SPOPL: variants seen among roughly 807,000 people sequenced by gnomAD.
SPOPL encodes speckle type BTB/POZ protein like.
SPOPL carries 23 observed loss-of-function variants against 53.8 expected under a neutral mutation model. The ratio of observed to expected loss-of-function variants is 0.43; its 90% confidence interval spans 0.31 to 0.61. The LOEUF (loss-of-function observed/expected upper bound fraction) is 0.61, where lower values mean the gene tolerates loss of function less well. Ranked by LOEUF, SPOPL falls within the 20% of genes least tolerant of loss-of-function variation. SPOPL has a pLI of 0.12. For synonymous variants in SPOPL, 164 were observed against 149.7 expected (o/e 1.10, Z -0.70); for missense variants, 442 against 466.9 (o/e 0.95, Z 0.49).
chr2:138,518,605 T>C (rs530724275), intron 1 of SPOPL, among the ~76,000 whole-genome samples: 7 of 152,340 alleles, frequency 4.6e-5, no homozygotes, highest in African/African-American at 1.4e-4. Flanking sequence ...AATCAAGATA[T>C]AGATCATTTC....
chr2:138,511,804 G>A (rs1040230825), intron 1 of SPOPL, among the ~76,000 whole-genome samples: 5 of 152,144 alleles, frequency 3.3e-5, no homozygotes, highest in African/African-American at 9.7e-5. Flanking sequence ...CTGGACAAAC[G>A]TAGGTCTGCT....
At chr2:138,529,462 G>A (rs1684751450) in intron 1 of SPOPL, among the ~76,000 whole-genome samples, 1 of 151,424 alleles carries the variant, frequency 6.6e-6, no homozygotes, top group Non-Finnish European at 1.5e-5. Flanking sequence ...TAAATGAACT[G>A]TTTGTGTAGG....
chr2:138,523,493 G>A (rs1183411689), intron 1 of SPOPL, among the ~76,000 whole-genome samples: 2 of 152,060 alleles, frequency 1.3e-5, no homozygotes, highest in Non-Finnish European at 2.9e-5. Context: ...CTGGTTTTGA[G>A]TAGTTAACCC....
intron 1 of SPOPL, among the ~76,000 whole-genome samples, chr2:138,530,435 C>A (rs1684782469): frequency 6.6e-6 from 1 of 152,088 alleles, no homozygotes; most frequent in Non-Finnish European, 1.5e-5. Flanking sequence ...TGAAGTCAGT[C>A]TGCATATATT....
At chr2:138,513,354 G>GACTA (rs1684369459) in intron 1 of SPOPL, among the ~76,000 whole-genome samples, 1 of 152,026 alleles carries the variant, frequency 6.6e-6, no homozygotes. Flanking sequence ...AGGAATTTGA[G>GACTA]ACTAGCCTGG....
intron 10 of SPOPL, among the ~76,000 whole-genome samples, chr2:138,567,411 GT>G (rs1322478708): frequency 6.8e-6 from 1 of 147,720 alleles, no homozygotes; most frequent in East Asian, 2.0e-4. Flanking sequence ...GTGTGTGTGT[GT>G]GTGTGTGTGT....
chr2:138,536,791 T>A (rs79609721), intron 1 of SPOPL, among the ~76,000 whole-genome samples: 7 of 152,314 alleles, frequency 4.6e-5, no homozygotes, highest in African/African-American at 1.4e-4. Flanking sequence ...GAACTTCTTT[T>A]CTCTGGGAAG....
In SPOPL at chr2:138,570,968, G is replaced by A. The variant is rs1331103723; in HGVS notation, c.*1888G>A. On this transcript the variant is annotated 3_prime_UTR_variant, in exon 11 of 11. Coordinates refer to ENST00000280098, the MANE Select transcript of SPOPL (RefSeq NM_001001664.3). ...GAAATTGGAAGAATCTCTTGGGATAGAAGAAAGATTCTTACCTGGTGATGG... is the reference window on the plus strand; with the variant it reads ...GAAATTGGAAGAATCTCTTGGGATAAAAGAAAGATTCTTACCTGGTGATGG... 3 of 152,124 alleles carry A rather than the reference G, an allele frequency of 2.0e-5. No homozygotes were observed. The highest frequency in any genetic ancestry group is 6.6e-5 in the Admixed American group (1 of 15,254). The allele number at this position is 152,124 out of a possible 1,614,324, so 9.4% of individuals were successfully genotyped here. A position where few individuals can be genotyped will look rare whatever the true frequency, so the allele number is the denominator to read the frequency against.
At chr2:138,550,838 TC>T in intron 3 of SPOPL, 64 bp from the exon 4 acceptor site, 1 of 1,535,936 alleles carries the variant, frequency 6.5e-7, no homozygotes, top group Non-Finnish European at 8.8e-7. Context: ...TCTCTCTCTC[TC>T]TCTCTCTCTC....
chr2:138,510,140 T>C (rs1558860233), intron 1 of SPOPL, among the ~76,000 whole-genome samples: 2 of 152,240 alleles, frequency 1.3e-5, no homozygotes, highest in Admixed American at 6.5e-5. Context: ...ACATCTTTGT[T>C]ATTTACAAGT....
intron 3 of SPOPL, 69 bp downstream of exon 3, chr2:138,550,673 T>C: frequency 6.5e-7 from 1 of 1,539,050 alleles, no homozygotes; most frequent in Non-Finnish European, 8.8e-7. Context: ...CTCATGATTT[T>C]GTTATCATTT....
chr2:138,511,194 G>T (rs1213733910), intron 1 of SPOPL, among the ~76,000 whole-genome samples: 1 of 152,084 alleles, frequency 6.6e-6, no homozygotes. Flanking sequence ...GAGTATCTTG[G>T]TTTATGCATT....
At chr2:138,506,305 A>G (rs565250364) in intron 1 of SPOPL, among the ~76,000 whole-genome samples, 29 of 152,290 alleles carry the variant, frequency 1.9e-4, no homozygotes, top group African/African-American at 7.0e-4. Context: ...GGCAGTGTCA[A>G]ATTGCTGTAA....
At chr2:138,542,252 T>G (rs1685088137) in intron 1 of SPOPL, among the ~76,000 whole-genome samples, 1 of 152,196 alleles carries the variant, frequency 6.6e-6, no homozygotes, top group African/African-American at 2.4e-5. Context: ...CTATTAGGTC[T>G]GCTTGGTGCA....
At position 138,550,200 on chromosome 2, in the gene SPOPL, A is replaced by G; in HGVS notation, c.-17A>G. On this transcript the variant is annotated 5_prime_UTR_variant, in exon 2 of 11. Transcript: ENST00000280098. ...TGGGGTACTACATAAATCCTGAAAG[A>G]CTACAATAAAGTGGTGATGTCTCGG... 2 of 1,612,360 alleles carry G rather than the reference A, an allele frequency of 1.2e-6. No homozygotes were observed. Among genetic ancestry groups the G allele is most frequent in the South Asian group, 1.1e-5 (1 of 90,936 alleles).
chr2:138,541,013 T>C (rs957360125), intron 1 of SPOPL, among the ~76,000 whole-genome samples: 4 of 152,134 alleles, frequency 2.6e-5, no homozygotes, highest in African/African-American at 9.7e-5. Context: ...TATGGTTTTT[T>C]TCATTGTTTC....
chr2:138,564,377 G>T lies in SPOPL; in HGVS notation c.838-331G>T, dbSNP rs1685614091. The T allele has an allele frequency of 1.3e-5, 3 of 226,064 alleles. No homozygotes were observed. In the South Asian group the frequency reaches 2.5e-4, roughly 19 times the overall value. 14.0% of individuals were successfully genotyped at this position (226,064 alleles called of 1,614,324 possible). A position where few individuals can be genotyped will look rare whatever the true frequency, so the allele number is the denominator to read the frequency against. The stretch of plus-strand genomic sequence containing the variant: ...CAATACTGAGTGGTGGCAACATGCA[G>T]TATACTTGGTGGTACACATTAGTGT... On this transcript the variant is annotated intron_variant, in intron 8 of 10. Transcript: ENST00000280098.
chr2:138,543,214 T>C (rs1314915199), intron 1 of SPOPL, among the ~76,000 whole-genome samples: 1 of 152,186 alleles, frequency 6.6e-6, no homozygotes, highest in Admixed American at 6.5e-5. Context: ...TTATGTGTCT[T>C]GGAGTTGCTC....
intron 1 of SPOPL, among the ~76,000 whole-genome samples, chr2:138,516,603 CTG>C (rs150811880): frequency 0.011 from 1,651 of 152,238 alleles, 33 homozygotes; most frequent in African/African-American, 0.037. Flanking sequence ...GTGAAGAAAA[CTG>C]TGGAGGGAGA....
Sources: gnomAD v4.1 joint callset for allele counts (sites outside exome capture counted in the v4.1 genomes callset) on GRCh38, gnomAD v4.1.1 for gene constraint, MANE v1.5 for transcripts, NCBI Gene and HGNC (gene_info 2026-07-23, HGNC 2026-07-21) for gene names.